Variants in USP40 observed in about 807,000 individuals in gnomAD.
USP40 encodes the protein ubiquitin specific peptidase 40.
In USP40, 143 loss-of-function variants were observed where a neutral mutation model predicts 166.2. The ratio of observed to expected loss-of-function variants is 0.86; its 90% CI spans 0.75 to 0.99. The LOEUF (loss-of-function observed/expected upper bound fraction) is 0.99, where lower values mean the gene tolerates loss of function less well. Among genes scored for constraint, USP40 ranks in the 50% least tolerant of loss-of-function variants. The pLI, the probability that USP40 is intolerant of heterozygous loss-of-function variation, is 0.00. For synonymous variants in USP40, 498 were observed against 524.0 expected, an observed-to-expected ratio of 0.95 and a Z score of 0.68; for missense variants, 1,444 against 1,479.7, an observed-to-expected ratio of 0.98 and a Z score of 0.40.
intron 23 of USP40, among the ~76,000 whole-genome samples, chr2:233,498,055 C>G (rs1235517930): frequency 6.6e-6 from 1 of 152,158 alleles, no homozygotes; most frequent in Admixed American, 6.5e-5. Context: ...ACAAGATGAC[C>G]AACTAGATTC....
chr2:233,543,179 A>T (rs570299503), intron 8 of USP40, among the ~76,000 whole-genome samples: 129 of 152,336 alleles, frequency 8.5e-4, no homozygotes, highest in Admixed American at 4.9e-3. Flanking sequence ...CATCTTGCAG[A>T]AGTATTTTAA....
chr2:233,488,160 T>C, intron 28 of USP40, 79 bp downstream of exon 28: 11 of 1,198,636 alleles, frequency 9.2e-6, no homozygotes, highest in Non-Finnish European at 1.3e-5. Flanking sequence ...TGCTACACTA[T>C]GAAGTTGTTA....
intron 11 of USP40, among the ~76,000 whole-genome samples, chr2:233,532,497 G>A (rs1336656773): frequency 6.6e-6 from 1 of 152,220 alleles, no homozygotes; most frequent in African/African-American, 2.4e-5. Flanking sequence ...GACCGGAGAA[G>A]ATTCTGTATC....
intron 18 of USP40, among the ~76,000 whole-genome samples, chr2:233,515,005 G>A (rs2067088937): frequency 6.6e-6 from 1 of 152,180 alleles, no homozygotes; most frequent in Non-Finnish European, 1.5e-5. Context: ...ACCACACAAT[G>A]TGTACTCTTT....
rs759738562 is a variant in USP40, at chr2:233,527,445, T to G, written c.1687A>C (p.Arg563=). The G allele has an allele frequency of 6.2e-7, 1 of 1,613,618 alleles. No homozygotes were observed. The highest frequency in any genetic ancestry group is 8.5e-7 in the Non-Finnish European group (1 of 1,179,786). ...TGCCGGAGATCTCCTAAAGTTTTTC[T>G]TTTATCAAAGGTCAAATCCCACACG... ...ESVWDLTFDK[R]KTLGDLRQSI... Residue 563 remains arginine, a synonymous_variant, in exon 13 of 32, where the codon AGA becomes CGA. Transcript: ENST00000678225.
chr2:233,493,201 AAAC>A lies in USP40; in HGVS notation c.2917+221_2917+223del. 1 of 584,518 alleles carries A rather than the reference AAAC, an allele frequency of 1.7e-6. No individual in the cohort carries two copies. The highest frequency in any genetic ancestry group is 3.0e-6 in the Non-Finnish European group (1 of 338,418). The allele number at this position is 584,518 out of a possible 1,614,324, so 36.2% of individuals were successfully genotyped here. ...AAGTGTAATATATTGATATAATAATAAACAACAAGATATATAGTGCTTTACAGA... is the reference window on the plus strand; with the variant it reads ...AAGTGTAATATATTGATATAATAATAAACAAGATATATAGTGCTTTACAGA... On this transcript the variant is annotated intron_variant, in intron 25 of 31. Transcript: ENST00000678225. The surrounding 1 kb of genome is among the most constrained non-coding windows in gnomAD (Gnocchi z 4.7).
chr2:233,489,514 G>A, intron 26 of USP40, 31 bp from the exon 27 acceptor site: 1 of 1,525,184 alleles, frequency 6.6e-7, no homozygotes, highest in Non-Finnish European at 8.9e-7. Flanking sequence ...TTCTCCAACG[G>A]TTTTAAAAAG....
chr2:233,556,238 T>C (rs980026517), intron 5 of USP40, among the ~76,000 whole-genome samples: 1 of 152,062 alleles, frequency 6.6e-6, no homozygotes, highest in Non-Finnish European at 1.5e-5. Context: ...TAATTGACTA[T>C]ATAAGATTTG....
chr2:233,487,717 A>G (rs546462291), intron 28 of USP40: 8 of 221,398 alleles, frequency 3.6e-5, no homozygotes, highest in Non-Finnish European at 6.4e-5. Context: ...TCTTTATTTA[A>G]TAAATAATTA....
intron 8 of USP40, chr2:233,546,169 C>T (rs1338033160): frequency 6.6e-6 from 1 of 152,214 alleles, no homozygotes; most frequent in African/African-American, 2.4e-5. Flanking sequence ...CCTGCCTGCC[C>T]TTTGAGTCAT....
At chr2:233,544,192 A>T (rs931429980) in intron 8 of USP40, among the ~76,000 whole-genome samples, 39 of 152,200 alleles carry the variant, frequency 2.6e-4, no homozygotes, top group African/African-American at 9.2e-4. Flanking sequence ...GAACTCAGGA[A>T]CTTATACTAC....
At chr2:233,532,477 G>C (rs1478586053) in intron 11 of USP40, among the ~76,000 whole-genome samples, 1 of 152,188 alleles carries the variant, frequency 6.6e-6, no homozygotes, top group Non-Finnish European at 1.5e-5. Context: ...AAACTTCTAG[G>C]GGATATTTGG....
intron 8 of USP40, among the ~76,000 whole-genome samples, chr2:233,543,633 T>C (rs2069628989): frequency 6.6e-6 from 1 of 152,234 alleles, no homozygotes; most frequent in Admixed American, 6.5e-5. Context: ...TTGTGTGTCC[T>C]TTCTGCCATG....
At chr2:233,538,127 T>C (rs2069074578) in intron 10 of USP40, among the ~76,000 whole-genome samples, 1 of 152,000 alleles carries the variant, frequency 6.6e-6, no homozygotes, top group Admixed American at 6.6e-5. Flanking sequence ...GTGTAATCGC[T>C]AGATGAAATT....
At position 233,486,052 on chromosome 2, in the gene USP40, C is replaced by G. The variant is rs936396874; in HGVS notation, c.3198-75G>C. 5.5e-6 allele frequency: 8 copies of G among 1,443,728 alleles called. No individual in the cohort carries two copies. Among genetic ancestry groups the G allele is most frequent in the Non-Finnish European group, 7.4e-6 (8 of 1,082,292 alleles). 89.4% of individuals were successfully genotyped at this position (1,443,728 alleles called of 1,614,324 possible). On this transcript the variant is annotated intron_variant, in intron 28 of 31. Coordinates refer to ENST00000678225, the MANE Select transcript of USP40 (RefSeq NM_001365479.2). The surrounding 1 kb of genome is among the most constrained non-coding windows in gnomAD (Gnocchi z 4.0). ...ACGTGGTAACTTGAGGCATAATGGG[C>G]AAAGCTTCTCCTCCAGCTTTTCTGG...
intron 17 of USP40, among the ~76,000 whole-genome samples, chr2:233,520,374 T>C (rs1278727129): frequency 6.6e-6 from 1 of 152,036 alleles, no homozygotes; most frequent in Admixed American, 6.5e-5. Context: ...TAACACACTT[T>C]AAGAAATTAT....
intron 31 of USP40, among the ~76,000 whole-genome samples, chr2:233,479,686 G>T (rs979915762): frequency 6.7e-6 from 1 of 150,332 alleles, no homozygotes; most frequent in Non-Finnish European, 1.5e-5. Context: ...GAAAACCCCC[G>T]AAGCAGCCAG....
rs1451403144 is a variant in USP40, at chr2:233,476,473, T to C, written c.*919A>G. 2.6e-5 allele frequency: 4 copies of C among 152,396 alleles called. No homozygotes were observed. Among genetic ancestry groups the C allele is most frequent in the Non-Finnish European group, 5.9e-5 (4 of 68,040 alleles). 9.4% of individuals were successfully genotyped at this position (152,396 alleles called of 1,614,324 possible). A position where few individuals can be genotyped will look rare whatever the true frequency, so the allele number is the denominator to read the frequency against. On this transcript the variant is annotated 3_prime_UTR_variant, in exon 32 of 32. Coordinates refer to ENST00000678225, the MANE Select transcript of USP40 (RefSeq NM_001365479.2). ...TGGGTTGGATTAAGTGGGAAAACCC[T>C]TCCTTAGTTTACATTTTCTTTTTCT...
At chr2:233,544,136 C>A (rs1263310430) in intron 8 of USP40, among the ~76,000 whole-genome samples, 1 of 152,106 alleles carries the variant, frequency 6.6e-6, no homozygotes, top group African/African-American at 2.4e-5. Context: ...TTCTAGGGTT[C>A]CCATCACCCC....
Sources: allele counts gnomAD v4.1 joint callset (sites outside exome capture counted in the v4.1 genomes callset), GRCh38; gene constraint gnomAD v4.1.1; non-coding constraint Gnocchi (gnomAD v3.1); transcripts MANE v1.5; gene names NCBI Gene and HGNC (gene_info 2026-07-23, HGNC 2026-07-21).